The following PAQR8 variants were observed in gnomAD, a reference collection of about 807,000 sequenced individuals.
PAQR8 encodes the protein progestin and adipoQ receptor family member 8.
Under a neutral mutation model 25.2 loss-of-function variants are expected in PAQR8, and 17 were observed. That is an observed-to-expected ratio of 0.67 (90% CI 0.46 to 1.01). The LOEUF is 1.01. PAQR8 is among the 50% of genes least tolerant of loss of function. The pLI is 0.00. For missense variants in PAQR8, 392 were observed against 448.4 expected (o/e 0.87, Z 1.14); for synonymous variants, 204 against 190.6 (o/e 1.07, Z -0.58).
Position 52,397,402 on chromosome 6 carries a change from T to G in PAQR8, c.-52-5760T>G, listed in dbSNP as rs142506358. Among the ~76,000 whole-genome samples, 1,207 of 152,152 alleles carry G rather than the reference T, an allele frequency of 7.9e-3. 20 individuals carry two copies. The highest frequency in any genetic ancestry group is 0.027 in the African/African-American group (1,134 of 41,514). On this transcript the variant is annotated intron_variant, in intron 1 of 1. Transcript: ENST00000442253. Reference sequence around the variant, plus strand: ...CTTCTAGGGCTAACACAAGCCCACTTCCCCCCAACGCTGCCCCAGGATACT... The same window carrying G: ...CTTCTAGGGCTAACACAAGCCCACTGCCCCCCAACGCTGCCCCAGGATACT...
chr6:52,368,995 GAGAA>G (rs1209450467), intron 1 of PAQR8, among the ~76,000 whole-genome samples: 4 of 152,126 alleles, frequency 2.6e-5, no homozygotes, highest in African/African-American at 9.7e-5. Context: ...TCTCTCCTGA[GAGAA>G]AGATTTTTCT....
At position 52,368,047 on chromosome 6, in the gene PAQR8, T is replaced by C. The variant is rs113441035; in HGVS notation, c.-53+5798T>C. ...GAGTTCAAGACCAGCCTGGGCAACATGGCAAGACCCCATCTCTACAAAATA... is the reference window on the plus strand; with the variant it reads ...GAGTTCAAGACCAGCCTGGGCAACACGGCAAGACCCCATCTCTACAAAATA... On this transcript the variant is annotated intron_variant, in intron 1 of 1. Coordinates refer to ENST00000442253, the MANE Select transcript of PAQR8 (RefSeq NM_133367.5). 2.3e-3 allele frequency among the ~76,000 whole-genome samples: 350 copies of C among 152,092 alleles called. 2 individuals carry two copies. Among genetic ancestry groups the C allele is most frequent in the African/African-American group, 8.0e-3 (333 of 41,476 alleles).
chr6:52,372,858 A>G (rs930483590), intron 1 of PAQR8, among the ~76,000 whole-genome samples: 8 of 152,074 alleles, frequency 5.3e-5, no homozygotes, highest in Non-Finnish European at 1.0e-4. Flanking sequence ...CCCTTTTATT[A>G]TAATTCTTTA....
rs765557083 is a variant in PAQR8, at chr6:52,403,180, AG to A, written c.-31del. 2.8e-5 allele frequency: 43 copies of A among 1,562,314 alleles called. No homozygotes were observed. The African/African-American group carries it at 5.6e-4, about 20-fold the overall frequency. ...TCTGCAGGTTGCATACCCTGTCCTG[AG>A]GGCGCGGCACGGAGTGCATGCGGGC... On this transcript the variant is annotated 5_prime_UTR_variant, in exon 2 of 2. Transcript: ENST00000442253.
At chr6:52,393,456 A>G (rs1277564504) in intron 1 of PAQR8, among the ~76,000 whole-genome samples, 2 of 149,822 alleles carry the variant, frequency 1.3e-5, no homozygotes, top group Non-Finnish European at 3.0e-5. Flanking sequence ...CCACCTCAGC[A>G]TCCTGAGTAA....
At chr6:52,368,024 G>A (rs1458085676) in intron 1 of PAQR8, among the ~76,000 whole-genome samples, 1 of 152,068 alleles carries the variant, frequency 6.6e-6, no homozygotes, top group Non-Finnish European at 1.5e-5. Context: ...AGCCCCAGGA[G>A]TTCAAGACCA....
intron 1 of PAQR8, among the ~76,000 whole-genome samples, chr6:52,401,259 ACAGTACTTGCTGTATGTGCTC>A (rs1183064968): frequency 1.3e-5 from 2 of 152,344 alleles, no homozygotes; most frequent in South Asian, 2.1e-4. Context: ...AGCACCTTGA[ACAGTACTTGCTGTATGTGCTC>A]CAGTACTTGC....
At chr6:52,371,957 A>G (rs982378744) in intron 1 of PAQR8, among the ~76,000 whole-genome samples, 26 of 152,202 alleles carry the variant, frequency 1.7e-4, no homozygotes, top group African/African-American at 6.3e-4. Context: ...CTTGGAGTGC[A>G]TATCTAGCTT....
chr6:52,381,807 A>ATGGGCATTTAGCCTCAGCTGG (rs567882769), intron 1 of PAQR8, among the ~76,000 whole-genome samples: 72 of 152,362 alleles, frequency 4.7e-4, no homozygotes, highest in African/African-American at 1.6e-3. Flanking sequence ...ACAGCTCTCT[A>ATGGGCATTTAGCCTCAGCTGG]TGGGCATTTA....
intron 1 of PAQR8, among the ~76,000 whole-genome samples, chr6:52,398,400 G>T (rs905083233): frequency 2.6e-5 from 4 of 151,810 alleles, no homozygotes; most frequent in African/African-American, 9.7e-5. Context: ...TAGTGACGGG[G>T]TTTCACTATA....
rs1763857137 is a variant in PAQR8, at chr6:52,403,206, C to T, written c.-8C>T. ...GGGCGCGGCACGGAGTGCATGCGGG[C>T]CGCTGCCATGACGACCGCCATCTTG... On this transcript the variant is annotated 5_prime_UTR_variant, in exon 2 of 2. Coordinates refer to ENST00000442253, the MANE Select transcript of PAQR8 (RefSeq NM_133367.5). 2 of 1,588,146 alleles carry T rather than the reference C, an allele frequency of 1.3e-6. No homozygotes were observed. The highest frequency in any genetic ancestry group is 1.7e-6 in the Non-Finnish European group (2 of 1,162,748).
chr6:52,383,386 G>A (rs1477912442), intron 1 of PAQR8, among the ~76,000 whole-genome samples: 1 of 152,214 alleles, frequency 6.6e-6, no homozygotes, highest in African/African-American at 2.4e-5. Flanking sequence ...ATTCGGCCGG[G>A]CGCGGTGGCT....
At chr6:52,402,746 C>T (rs550783524) in intron 1 of PAQR8, among the ~76,000 whole-genome samples, 1 of 152,248 alleles carries the variant, frequency 6.6e-6, no homozygotes, top group Non-Finnish European at 1.5e-5. Context: ...CTCCTTGCTT[C>T]CTCTACTGTA....
intron 1 of PAQR8, among the ~76,000 whole-genome samples, chr6:52,382,416 G>A (rs9357730): frequency 0.091 from 13,849 of 152,138 alleles, 1,119 homozygotes; most frequent in Admixed American, 0.26. Flanking sequence ...CTAGGGTGTC[G>A]GAGCAAATCA....
At chr6:52,382,498 T>C (rs1479513528) in intron 1 of PAQR8, among the ~76,000 whole-genome samples, 1 of 152,120 alleles carries the variant, frequency 6.6e-6, no homozygotes, top group South Asian at 2.1e-4. Flanking sequence ...ACAGTGGAAG[T>C]AGTCAGCAAA....
intron 1 of PAQR8, among the ~76,000 whole-genome samples, chr6:52,388,156 A>T (rs1018445891): frequency 1.3e-5 from 2 of 152,176 alleles, no homozygotes; most frequent in African/African-American, 4.8e-5. Context: ...TGGGCGGGTC[A>T]CTTGAGGTCA....
rs114320112 is a variant in PAQR8 at position 52,390,978 on chromosome 6, A to C, written c.-52-12184A>C. Reference sequence around the variant, plus strand: ...TTGCTTTCCAATTACAAAAGTAGTAAATGTTTGTTGTTAAAAAGTACGATA... The same window carrying C: ...TTGCTTTCCAATTACAAAAGTAGTACATGTTTGTTGTTAAAAAGTACGATA... On this transcript the variant is annotated intron_variant, in intron 1 of 1. Coordinates refer to ENST00000442253, the MANE Select transcript of PAQR8 (RefSeq NM_133367.5). Among the ~76,000 whole-genome samples the C allele has an allele frequency of 5.4e-3, 830 of 152,334 alleles. 6 individuals carry two copies. Among genetic ancestry groups the C allele is most frequent in the Middle Eastern group, 6.8e-3 (2 of 294 alleles).
Position 52,406,585 on chromosome 6 carries a change from C to T in PAQR8, c.*2307C>T, listed in dbSNP as rs969105875. 4.1e-5 allele frequency: 17 copies of T among 412,864 alleles called. No individual in the cohort carries two copies. The highest frequency in any genetic ancestry group is 6.2e-4 in the Middle Eastern group (1 of 1,610). The allele number at this position is 412,864 out of a possible 1,614,324, so 25.6% of individuals were successfully genotyped here. On this transcript the variant is annotated 3_prime_UTR_variant, in exon 2 of 2. Coordinates refer to ENST00000442253, the MANE Select transcript of PAQR8 (RefSeq NM_133367.5). Reference sequence around the variant, plus strand: ...TTTTTTTTAATCTCTTTTTCTGAGACAGGGTCTTACTCTGTCGCCCAGGCT... The same window carrying T: ...TTTTTTTTAATCTCTTTTTCTGAGATAGGGTCTTACTCTGTCGCCCAGGCT...
At chr6:52,393,962 A>G (rs1479104862) in intron 1 of PAQR8, among the ~76,000 whole-genome samples, 3 of 152,192 alleles carry the variant, frequency 2.0e-5, no homozygotes, top group South Asian at 2.1e-4. Flanking sequence ...TAGAAGCACA[A>G]AGTCCTGAGA....
Sources: gnomAD v4.1 joint callset for allele counts (sites outside exome capture counted in the v4.1 genomes callset) on GRCh38, gnomAD v4.1.1 for gene constraint, MANE v1.5 for transcripts, NCBI Gene and HGNC (gene_info 2026-07-23, HGNC 2026-07-21) for gene names.